The following ABCC3 variants were observed in gnomAD, a reference collection of about 807,000 sequenced individuals.
ABCC3 encodes ATP binding cassette subfamily C member 3.
ABCC3 carries 121 observed loss-of-function variants against 165.3 expected under a neutral mutation model. That is an observed-to-expected ratio of 0.73 (90% CI 0.63 to 0.85). The LOEUF (loss-of-function observed/expected upper bound fraction) is 0.85. Ranked by LOEUF, ABCC3 falls within the 40% of genes least tolerant of loss-of-function variation. ABCC3 has a pLI of 0.00. For missense variants in ABCC3, 1,869 were observed against 1,964.1 expected (o/e 0.95, Z 0.92); for synonymous variants, 733 against 810.1 (o/e 0.90, Z 1.62).
chr17:50,664,153 G>A (rs1176802339), intron 10 of ABCC3, 42 bp downstream of exon 10: 1 of 1,608,812 alleles, frequency 6.2e-7, no homozygotes, highest in Non-Finnish European at 8.5e-7. Context: ...CCTCTGACAT[G>A]CTGCAGAAGT....
rs9894568 is a variant in ABCC3 at position 50,675,216 on chromosome 17, T to C, written c.2600-146T>C. 1.9e-3 allele frequency: 1,057 copies of C among 549,836 alleles called. 5 individuals are homozygous for C. Among genetic ancestry groups the C allele is most frequent in the African/African-American group, 0.018 (925 of 52,668 alleles). 34.1% of individuals were successfully genotyped at this position (549,836 alleles called of 1,614,324 possible). On this transcript the variant is annotated intron_variant, in intron 19 of 30. Transcript: ENST00000285238. ...AGTTTTTCTTGTTGCTTAACCCAAG[T>C]CTTTCTTGTTGCCCTTTCAATCCCC...
chr17:50,664,141 T>A, intron 10 of ABCC3, 30 bp downstream of exon 10: 1 of 1,611,938 alleles, frequency 6.2e-7, no homozygotes, highest in Non-Finnish European at 8.5e-7. Context: ...CTCTGCCTCC[T>A]TCCTCTGACA....
intron 2 of ABCC3, among the ~76,000 whole-genome samples, chr17:50,656,221 G>A (rs914389353): frequency 1.3e-5 from 2 of 152,186 alleles, no homozygotes; most frequent in African/African-American, 4.8e-5. Flanking sequence ...GAGTAGCTGG[G>A]ATTACAGGCA....
intron 1 of ABCC3, among the ~76,000 whole-genome samples, chr17:50,650,099 C>A (rs1967086170): frequency 6.6e-6 from 1 of 152,140 alleles, no homozygotes; most frequent in Admixed American, 6.6e-5. Context: ...GAACCAAATT[C>A]TAGTTTTGCA....
rs1555586174 is a variant in ABCC3 at position 50,655,417 on chromosome 17, A to AAAC, written c.46-413_46-412insCAA. Among the ~76,000 whole-genome samples, 32 of 148,380 alleles carry AAAC rather than the reference A, an allele frequency of 2.2e-4. 1 individual carries two copies. The highest frequency in any genetic ancestry group is 8.0e-4 in the African/African-American group (32 of 39,948). On this transcript the variant is annotated intron_variant, in intron 1 of 30. Transcript: ENST00000285238. Reference sequence around the variant, plus strand: ...GAGACTCTGTCTCAAAAAAAAAAAAAAAAACAAAAACAAAAAAAAAAGAGT... The same window carrying AAAC: ...GAGACTCTGTCTCAAAAAAAAAAAAAAACAAAACAAAAACAAAAAAAAAAGAGT...
At chr17:50,638,451 T>G (rs2054199294) in intron 1 of ABCC3, among the ~76,000 whole-genome samples, 1 of 152,096 alleles carries the variant, frequency 6.6e-6, no homozygotes, top group Non-Finnish European at 1.5e-5. Context: ...AAGGACATGG[T>G]TAGTGACTGC....
At chr17:50,646,607 C>A (rs138509857) in intron 1 of ABCC3, among the ~76,000 whole-genome samples, 65 of 152,248 alleles carry the variant, frequency 4.3e-4, no homozygotes, top group African/African-American at 1.5e-3. Context: ...TTGCACCAGG[C>A]AGGGGAATCA....
chr17:50,688,386 C>G (rs1438036402), intron 30 of ABCC3: 1 of 152,356 alleles, frequency 6.6e-6, no homozygotes, highest in African/African-American at 2.4e-5. Context: ...GCCTGCATGT[C>G]CCTCACCTTA....
intron 1 of ABCC3, chr17:50,643,689 C>T (rs140114996): frequency 8.8e-6 from 4 of 454,032 alleles, no homozygotes. Context: ...CCTGTCACCC[C>T]TCCCTGGAGT....
At chr17:50,686,624 C>A (rs941830933) in intron 29 of ABCC3, among the ~76,000 whole-genome samples, 8 of 152,010 alleles carry the variant, frequency 5.3e-5, no homozygotes, top group Non-Finnish European at 1.5e-5. Context: ...CTCAACACTT[C>A]CCCCAGAGCA....
chr17:50,671,259 TA>T (rs528722797), intron 17 of ABCC3, among the ~76,000 whole-genome samples: 381 of 132,974 alleles, frequency 2.9e-3, no homozygotes, highest in East Asian at 4.0e-3. Context: ...GACTCTGTCT[TA>T]AAAAAAAAAA....
chr17:50,661,999 C>A (rs902075827), intron 8 of ABCC3, among the ~76,000 whole-genome samples: 1 of 152,004 alleles, frequency 6.6e-6, no homozygotes, highest in African/African-American at 2.4e-5. Flanking sequence ...GAAATGGCAA[C>A]GAGAGGGAGG....
rs1967499756 is a variant in ABCC3 at position 50,665,323 on chromosome 17, G to A, written c.1431+78G>A. The A allele has an allele frequency of 2.2e-6, 3 of 1,347,906 alleles. No individual in the cohort carries two copies. In the African/African-American group the frequency reaches 4.3e-5, roughly 19 times the overall value. 83.5% of individuals were successfully genotyped at this position (1,347,906 alleles called of 1,614,324 possible). On this transcript the variant is annotated intron_variant, in intron 11 of 30. Transcript: ENST00000285238. Reference sequence around the variant, plus strand: ...TGGGGGAAGGTGTCCACTAACCTTGGGGCCTCCCAACTACCTTGCTTCCTG... The same window carrying A: ...TGGGGGAAGGTGTCCACTAACCTTGAGGCCTCCCAACTACCTTGCTTCCTG...
chr17:50,669,011 T>C, intron 15 of ABCC3, 92 bp downstream of exon 15: 1 of 1,595,948 alleles, frequency 6.3e-7, no homozygotes. Context: ...TGACCAAGAA[T>C]GCAGGAAGAG....
chr17:50,634,916 T>C lies in ABCC3; in HGVS notation c.-21T>C, dbSNP rs1000035374. 15 of 1,254,108 alleles carry C rather than the reference T, an allele frequency of 1.2e-5. No individual in the cohort carries two copies. Among genetic ancestry groups the C allele is most frequent in the Non-Finnish European group, 1.4e-5 (14 of 998,220 alleles). 77.7% of individuals were successfully genotyped at this position (1,254,108 alleles called of 1,614,324 possible). On this transcript the variant is annotated 5_prime_UTR_variant, in exon 1 of 31. Coordinates refer to ENST00000285238, the MANE Select transcript of ABCC3 (RefSeq NM_003786.4). ...CTGGGTCCGACCGCGCTCGCCTTCC[T>C]TGCAGCCGCGCCTCGGCCCCATGGA...
chr17:50,687,517 C>T lies in ABCC3; in HGVS notation c.4281-19C>T. The T allele has an allele frequency of 6.2e-7, 1 of 1,608,366 alleles. No homozygotes were observed. The highest frequency in any genetic ancestry group is 8.5e-7 in the Non-Finnish European group (1 of 1,177,708). ...GTGGGAGGCCCCCAGCTGGAAATGC[C>T]TGCCTTCTCCACTCCCAGCGTGGGC... is the stretch of plus-strand genomic sequence containing the variant. On this transcript the variant is annotated intron_variant, in intron 29 of 30. Transcript: ENST00000285238.
At chr17:50,637,206 T>G (rs1344660211) in intron 1 of ABCC3, among the ~76,000 whole-genome samples, 1 of 152,130 alleles carries the variant, frequency 6.6e-6, no homozygotes, top group African/African-American at 2.4e-5. Flanking sequence ...TCACATTCTC[T>G]TCTGGCTCCT....
rs1213242201 is a variant in ABCC3 at position 50,673,067 on chromosome 17, G to A, written c.2338G>A (p.Ala780Thr). Residue 780 changes from alanine (A) to threonine (T), a missense_variant, in exon 18 of 31, where the codon GCG becomes ACG. Physicochemically the swap from Ala to Thr is moderately conservative, Grantham distance 58 (BLOSUM62 0). Transcript: ENST00000285238. The part of the protein sequence containing the change: ...DIFLLDDPLS[A>T]VDSHVAKHIF... ...TTTCTTGCTGGATGACCCACTGTCC[G>A]CGGTGGACTCTCATGTGGCCAAGCA... is the stretch of plus-strand genomic sequence containing the variant. 1.7e-5 allele frequency: 27 copies of A among 1,614,004 alleles called. No homozygotes were observed. Among genetic ancestry groups the A allele is most frequent in the Non-Finnish European group, 2.1e-5 (25 of 1,180,046 alleles).
intron 1 of ABCC3, chr17:50,643,796 T>A: frequency 2.8e-6 from 1 of 358,916 alleles, no homozygotes; most frequent in South Asian, 2.1e-5. Context: ...ATGAAGTGAG[T>A]TGGCTGTGGG....
Sources: allele counts gnomAD v4.1 joint callset (sites outside exome capture counted in the v4.1 genomes callset), GRCh38; gene constraint gnomAD v4.1.1; transcripts MANE v1.5; gene names NCBI Gene and HGNC (gene_info 2026-07-23, HGNC 2026-07-21).